Variants in ASCC2 observed in about 807,000 individuals in gnomAD.
ASCC2 encodes activating signal cointegrator 1 complex subunit 2.
ASCC2 carries 42 observed loss-of-function variants against 93.5 expected under a neutral mutation model. The ratio of observed to expected loss-of-function variants is 0.45; its 90% CI spans 0.35 to 0.58. ASCC2 has a LOEUF of 0.58. ASCC2 is among the 20% of genes least tolerant of loss of function. The pLI is 0.00. For missense variants in ASCC2, 859 were observed against 977.6 expected, an observed-to-expected ratio of 0.88 and a Z score of 1.62; for synonymous variants, 364 against 384.2, an observed-to-expected ratio of 0.95 and a Z score of 0.62.
intron 19 of ASCC2, among the ~76,000 whole-genome samples, 178 bp from the exon 20 acceptor site, chr22:29,789,362 CTGACCAGCCCCGAG>C (rs140148): frequency 0.31 from 46,902 of 152,034 alleles, 8,353 homozygotes; most frequent in East Asian, 0.58. Context: ...CCCTGGGGCT[CTGACCAGCCCCGAG>C]CCTGGTGTTT....
chr22:29,830,973 T>C (rs2063068059), intron 2 of ASCC2, among the ~76,000 whole-genome samples: 1 of 152,220 alleles, frequency 6.6e-6, no homozygotes, highest in Admixed American at 6.5e-5. Context: ...GGAGCCAGTC[T>C]CCATCAGTGT....
rs1284162154 is a variant in ASCC2 at position 29,814,705 on chromosome 22, C to G, written c.672G>C (p.Gln224His). The G allele has an allele frequency of 6.2e-7, 1 of 1,608,234 alleles. No homozygotes were observed. The highest frequency in any genetic ancestry group is 2.3e-5 in the East Asian group (1 of 44,290). The change falls in exon 7 of 20, where the codon CAG becomes CAC. Residue 224 changes from glutamine (Q) to histidine (H), a missense_variant. By Grantham distance (24) the Gln-to-His change is conservative (BLOSUM62 0). Coordinates refer to ENST00000307790, the MANE Select transcript of ASCC2 (RefSeq NM_032204.5). ...TCAATCGGCCCCTCTCCTCAAGCTT[C>G]TGGGGTGTGGTATTGGCCCCGTCCC... is the stretch of plus-strand genomic sequence containing the variant. ...LQGDGANTTP[Q>H]KLEERGRLTP... is the part of the protein sequence containing the mutation.
intron 14 of ASCC2, among the ~76,000 whole-genome samples, chr22:29,801,538 A>G (rs542530170): frequency 8.5e-5 from 13 of 152,140 alleles, no homozygotes; most frequent in Non-Finnish European, 1.8e-4. Context: ...TGGAAGAAAC[A>G]CCCTTTCGGG....
In ASCC2 at chr22:29,832,358, A is replaced by G; in HGVS notation, c.-17-16T>C. 1 of 1,587,178 alleles carries G rather than the reference A, an allele frequency of 6.3e-7. No individual in the cohort carries two copies. The highest frequency in any genetic ancestry group is 1.1e-5 in the South Asian group (1 of 90,334). On this transcript the variant is annotated splice_polypyrimidine_tract_variant and intron_variant, in intron 1 of 19. Transcript: ENST00000307790. ...CGTGACCCTCCTGAAAGGAATATGG[A>G]TGGGAAGAAGAGAGCAGACACACAG...
rs556085953 is a variant in ASCC2 at position 29,802,098 on chromosome 22, C to T, written c.1464G>A (p.Leu488=). Residue 488 remains leucine (L), a synonymous_variant, in exon 14 of 20, where the codon CTG becomes CTA. Coordinates refer to ENST00000307790, the MANE Select transcript of ASCC2 (RefSeq NM_032204.5). ...CGTAGTGGTAGTACTCCAGGCAGGC[C>T]AGGATGAAGCCCTCACCAAGGTCTG... ...LLPDLGEGFI[L]ACLEYYHYDP... 1 of 1,614,206 alleles carries T rather than the reference C, an allele frequency of 6.2e-7. No individual in the cohort carries two copies. The highest frequency in any genetic ancestry group is 1.3e-5 in the African/African-American group (1 of 75,046).
intron 12 of ASCC2, among the ~76,000 whole-genome samples, chr22:29,805,367 C>G (rs1194929666): frequency 6.6e-6 from 1 of 152,172 alleles, no homozygotes; most frequent in East Asian, 1.9e-4. Context: ...TAGACTCCCT[C>G]ACTGCTTCTT....
intron 8 of ASCC2, 120 bp from the exon 9 acceptor site, chr22:29,808,305 C>T (rs2059915202): frequency 3.9e-6 from 4 of 1,035,456 alleles, no homozygotes. Context: ...CAATTTTCTC[C>T]AGGGACCCCT....
chr22:29,797,977 G>A (rs943558391), intron 15 of ASCC2, among the ~76,000 whole-genome samples: 66 of 152,122 alleles, frequency 4.3e-4, no homozygotes, highest in Admixed American at 8.5e-4. Context: ...ATGTTGGCCA[G>A]GTTGGTTTTG....
At chr22:29,793,794 C>A in intron 15 of ASCC2, 118 bp from the exon 16 acceptor site, 32 of 823,252 alleles carry the variant, frequency 3.9e-5, no homozygotes, top group Middle Eastern at 3.8e-4. Flanking sequence ...GTCACGGAGA[C>A]AAATGAAATC....
At chr22:29,834,553 G>GA (rs960848972) in intron 1 of ASCC2, 9 of 469,616 alleles carry the variant, frequency 1.9e-5, no homozygotes, top group Admixed American at 7.1e-5. Context: ...GAGGTGGCCT[G>GA]AAAAAAAATC....
At chr22:29,823,282 A>C (rs2061829041) in intron 4 of ASCC2, among the ~76,000 whole-genome samples, 1 of 148,038 alleles carries the variant, frequency 6.8e-6, no homozygotes, top group Non-Finnish European at 1.5e-5. Context: ...CAAATGATTC[A>C]TCTGCCTCGG....
At chr22:29,826,165 G>C (rs528927745) in intron 2 of ASCC2, 1 of 162,582 alleles carries the variant, frequency 6.2e-6, no homozygotes, top group African/African-American at 2.4e-5. Context: ...TTCACACACT[G>C]GTATTGATTT....
At chr22:29,822,658 T>C (rs1173383882) in intron 4 of ASCC2, among the ~76,000 whole-genome samples, 194 bp from the exon 5 acceptor site, 1 of 151,570 alleles carries the variant, frequency 6.6e-6, no homozygotes, top group African/African-American at 2.4e-5. Flanking sequence ...CTATCTATGT[T>C]TTTGTGTCTC....
intron 1 of ASCC2, 91 bp from the exon 2 acceptor site, chr22:29,832,433 A>G: frequency 9.9e-7 from 1 of 1,013,214 alleles, no homozygotes; most frequent in Admixed American, 2.3e-5. Context: ...GTCAGAAGAG[A>G]AGCTTCAACC....
intron 8 of ASCC2, among the ~76,000 whole-genome samples, chr22:29,812,879 G>GT (rs557015714): frequency 2.5e-4 from 36 of 144,782 alleles, no homozygotes; most frequent in African/African-American, 8.4e-4. Flanking sequence ...ACTATTCTTG[G>GT]TTGTGCGTTT....
At position 29,788,798 on chromosome 22, in the gene ASCC2, G is replaced by A. The variant is rs1420476172; in HGVS notation, c.*215C>T. 5.2e-6 allele frequency: 3 copies of A among 580,698 alleles called. No individual in the cohort carries two copies. The highest frequency in any genetic ancestry group is 4.2e-5 in the South Asian group (2 of 47,634). The allele number at this position is 580,698 out of a possible 1,614,324, so 36.0% of individuals were successfully genotyped here. A position where few individuals can be genotyped will look rare whatever the true frequency, so the allele number is the denominator to read the frequency against. On this transcript the variant is annotated 3_prime_UTR_variant, in exon 20 of 20. Coordinates refer to ENST00000307790, the MANE Select transcript of ASCC2 (RefSeq NM_032204.5). ...GAAGGTGCCTGCTTGCCGGCCCCAC[G>A]GATTCTTCGGCTGTGGCATAAGGCA...
Position 29,806,200 on chromosome 22 carries a change from T to C in ASCC2, c.1160+16A>G, listed in dbSNP as rs1479879759. 5 of 1,613,214 alleles carry C rather than the reference T, an allele frequency of 3.1e-6. No individual in the cohort carries two copies. The African/African-American group carries it at 5.3e-5, about 17-fold the overall frequency. On this transcript the variant is annotated intron_variant, in intron 12 of 19. Transcript: ENST00000307790. ...CAAGCTGGGCCCTGTCGTAGTGGGC[T>C]ATGGTAGAAGGATACAAGACTGATG...
intron 8 of ASCC2, among the ~76,000 whole-genome samples, chr22:29,808,828 A>T (rs2059970388): frequency 6.6e-6 from 1 of 150,744 alleles, no homozygotes; most frequent in South Asian, 2.1e-4. Context: ...AAAAAAAAAA[A>T]ATTGTTCTGG....
At chr22:29,826,924 C>T (rs2062416827) in intron 2 of ASCC2, among the ~76,000 whole-genome samples, 1 of 151,828 alleles carries the variant, frequency 6.6e-6, no homozygotes. Context: ...AGTGAAACCC[C>T]GTCTCTACTA....
Sources: gnomAD v4.1 joint callset for allele counts (sites outside exome capture counted in the v4.1 genomes callset) on GRCh38, gnomAD v4.1.1 for gene constraint, MANE v1.5 for transcripts, NCBI Gene and HGNC (gene_info 2026-07-23, HGNC 2026-07-21) for gene names.